EPS15: variants seen among roughly 807,000 people sequenced by gnomAD.
EPS15 encodes the protein epidermal growth factor receptor pathway substrate 15, also known as epidermal growth factor receptor substrate 15.
In EPS15, 72 loss-of-function variants were observed where a neutral mutation model predicts 113.8. The ratio of observed to expected loss-of-function variants is 0.63; its 90% CI spans 0.52 to 0.77. The LOEUF (loss-of-function observed/expected upper bound fraction) is 0.77. Ranked by LOEUF, EPS15 falls within the 30% of genes least tolerant of loss-of-function variation. The pLI is 0.00. For synonymous variants in EPS15, 344 were observed against 363.4 expected (o/e 0.95, Z 0.61); for missense variants, 1,048 against 1,045.8 (o/e 1.00, Z -0.03).
chr1:51,451,505 A>AAAAAAAAAAAAGAAAG (rs763389428), intron 8 of EPS15, among the ~76,000 whole-genome samples: 3 of 147,556 alleles, frequency 2.0e-5, no homozygotes, highest in Non-Finnish European at 3.0e-5. Flanking sequence ...AAAAAAAAAA[A>AAAAAAAAAAAAGAAAG]AAAGAAAGAA....
At chr1:51,516,139 A>AT (rs1204055699) in intron 1 of EPS15, among the ~76,000 whole-genome samples, 1 of 152,160 alleles carries the variant, frequency 6.6e-6, no homozygotes, top group African/African-American at 2.4e-5. Flanking sequence ...CTGAATTAGA[A>AT]AACATTTAAG....
At chr1:51,483,621 C>T (rs1002523747) in intron 1 of EPS15, among the ~76,000 whole-genome samples, 3 of 152,064 alleles carry the variant, frequency 2.0e-5, no homozygotes, top group East Asian at 3.9e-4. Flanking sequence ...TCTTGGCCAA[C>T]ATGGTGAAAG....
chr1:51,458,583 A>G (rs1654194655), intron 8 of EPS15: 4 of 440,526 alleles, frequency 9.1e-6, no homozygotes, highest in African/African-American at 6.2e-5. Context: ...CTAAAAATAT[A>G]AAAATTAGCC....
chr1:51,460,101 G>C (rs1654329018), intron 8 of EPS15, among the ~76,000 whole-genome samples: 3 of 152,094 alleles, frequency 2.0e-5, no homozygotes, highest in Admixed American at 2.0e-4. Flanking sequence ...AATACAAGTG[G>C]GAGTACTCCC....
At chr1:51,364,729 G>C (rs1646469814) in intron 22 of EPS15, among the ~76,000 whole-genome samples, 1 of 151,960 alleles carries the variant, frequency 6.6e-6, no homozygotes, top group Admixed American at 6.6e-5. Flanking sequence ...GAACTCCTGG[G>C]CTCAAGCAAT....
At chr1:51,444,084 T>TA (rs1404090863) in intron 11 of EPS15, among the ~76,000 whole-genome samples, 1 of 152,138 alleles carries the variant, frequency 6.6e-6, no homozygotes, top group Non-Finnish European at 1.5e-5. Context: ...CTTATTACTG[T>TA]ATAACAACCC....
Position 51,440,277 on chromosome 1 carries a change from C to CTCTG in EPS15, c.1040+69_1040+70insCAGA, listed in dbSNP as rs149345524. The CTCTG allele has an allele frequency of 2.9e-5, 13 of 444,660 alleles. No homozygotes were observed. In the South Asian group the frequency reaches 4.7e-4, roughly 16 times the overall value. 27.5% of individuals were successfully genotyped at this position (444,660 alleles called of 1,614,324 possible). On this transcript the variant is annotated intron_variant, in intron 12 of 24. Transcript: ENST00000371733. ...GAAGTTGTATACATATATACATGTA[C>CTCTG]TGTGTGTGTGTGTGTGTGTGTGTGT...
At chr1:51,371,836 G>A (rs1347953966) in intron 21 of EPS15, among the ~76,000 whole-genome samples, 2 of 152,082 alleles carry the variant, frequency 1.3e-5, no homozygotes, top group African/African-American at 2.4e-5. Flanking sequence ...TTCCAGCCCC[G>A]CAAGCTCCGT....
intron 1 of EPS15, among the ~76,000 whole-genome samples, chr1:51,482,339 T>C (rs999872923): frequency 1.3e-5 from 2 of 152,074 alleles, no homozygotes; most frequent in African/African-American, 2.4e-5. Flanking sequence ...GATAGCAGTA[T>C]GCACAAAGGC....
At chr1:51,456,770 T>C (rs1446333804) in intron 8 of EPS15, among the ~76,000 whole-genome samples, 1 of 152,204 alleles carries the variant, frequency 6.6e-6, no homozygotes, top group Non-Finnish European at 1.5e-5. Flanking sequence ...CAGGCTATCT[T>C]GCAGTAATTA....
At chr1:51,517,930 A>AT (rs1406974282) in intron 1 of EPS15, among the ~76,000 whole-genome samples, 3 of 152,158 alleles carry the variant, frequency 2.0e-5, no homozygotes, top group Admixed American at 6.5e-5. Flanking sequence ...AAGCCTCTTG[A>AT]TTTTAAACAC....
At chr1:51,426,854 C>CACATATAT (rs1651261563) in intron 12 of EPS15, among the ~76,000 whole-genome samples, 1 of 138,346 alleles carries the variant, frequency 7.2e-6, no homozygotes, top group African/African-American at 2.8e-5. Flanking sequence ...TATATATATA[C>CACATATAT]ACACACACAT....
At position 51,356,511 on chromosome 1, in the gene EPS15, T is replaced by C. The variant is rs1419350605; in HGVS notation, c.*189A>G. 5 of 500,628 alleles carry C rather than the reference T, an allele frequency of 1.0e-5. No individual in the cohort carries two copies. The highest frequency in any genetic ancestry group is 2.1e-5 in the African/African-American group (1 of 47,656). The allele number at this position is 500,628 out of a possible 1,614,324, so 31.0% of individuals were successfully genotyped here. A position where few individuals can be genotyped will look rare whatever the true frequency, so the allele number is the denominator to read the frequency against. ...ATTTGTCTGACTGGGTTACGGCTTT[T>C]ATAAGAAAAAAAAAAAAAGACGAAT... On this transcript the variant is annotated 3_prime_UTR_variant, in exon 25 of 25. Transcript: ENST00000371733.
chr1:51,376,072 T>G (rs1053271141), intron 21 of EPS15, among the ~76,000 whole-genome samples: 7 of 152,234 alleles, frequency 4.6e-5, no homozygotes, highest in African/African-American at 1.7e-4. Flanking sequence ...AGTCTTCTAC[T>G]GGAAGAAAAT....
chr1:51,455,889 G>A (rs1570344712), intron 8 of EPS15, among the ~76,000 whole-genome samples: 1 of 151,648 alleles, frequency 6.6e-6, no homozygotes, highest in South Asian at 2.1e-4. Context: ...AGTCATTTTA[G>A]TTGTGGCCAG....
chr1:51,461,062 G>C (rs773652875), intron 8 of EPS15, 29 bp downstream of exon 8: 21 of 1,420,712 alleles, frequency 1.5e-5, no homozygotes, highest in Non-Finnish European at 2.1e-5. Context: ...TTAAGATAAT[G>C]AAGATGTTAA....
At chr1:51,414,206 G>A (rs1650003681) in intron 13 of EPS15, among the ~76,000 whole-genome samples, 1 of 152,144 alleles carries the variant, frequency 6.6e-6, no homozygotes, top group African/African-American at 2.4e-5. Context: ...GAGGTCAGGA[G>A]TTCGAGACCA....
At chr1:51,373,617 C>G (rs1032741447) in intron 21 of EPS15, among the ~76,000 whole-genome samples, 24 of 152,078 alleles carry the variant, frequency 1.6e-4, no homozygotes, top group African/African-American at 5.8e-4. Flanking sequence ...GAGTTCTGAC[C>G]CTTCTGAACT....
intron 1 of EPS15, among the ~76,000 whole-genome samples, chr1:51,509,876 A>G (rs1425959364): frequency 6.6e-6 from 1 of 152,220 alleles, no homozygotes; most frequent in African/African-American, 2.4e-5. Context: ...TGGTACCACA[A>G]TAAGCTCTGT....
Sources: allele counts gnomAD v4.1 joint callset (sites outside exome capture counted in the v4.1 genomes callset), GRCh38; gene constraint gnomAD v4.1.1; transcripts MANE v1.5; gene names NCBI Gene and HGNC (gene_info 2026-07-23, HGNC 2026-07-21).